CFAP97: variants seen among roughly 807,000 people sequenced by gnomAD.
CFAP97 encodes the protein cilia- and flagella-associated protein 97.
Under a neutral mutation model 43.1 loss-of-function variants are expected in CFAP97, and 36 were observed. The observed-to-expected ratio is 0.84, with a 90% CI of 0.64 to 1.10. The LOEUF (loss-of-function observed/expected upper bound fraction) is 1.10. Ranked by LOEUF, CFAP97 falls within the 50% of genes least tolerant of loss-of-function variation. CFAP97 has a pLI of 0.00. For synonymous variants in CFAP97, 228 were observed against 225.7 expected (o/e 1.01, Z -0.09); for missense variants, 657 against 620.3 (o/e 1.06, Z -0.63).
chr4:185,190,963 T>A lies in CFAP97; in HGVS notation c.234A>T (p.Glu78Asp), dbSNP rs1326488485. The A allele has an allele frequency of 6.2e-7, 1 of 1,613,870 alleles. No individual in the cohort carries two copies. Among genetic ancestry groups the A allele is most frequent in the East Asian group, 2.2e-5 (1 of 44,872 alleles). The change falls in exon 2 of 5, where the codon GAA becomes GAT. Residue 78 changes from glutamate to aspartate, a missense_variant. Glu to Asp is a conservative substitution (Grantham distance 45). Coordinates refer to ENST00000458385, the MANE Select transcript of CFAP97 (RefSeq NM_020827.3). ...GNERNVKFPP[E>D]HPVENDVTQT... ...GTGTAACATCATTCTCTACGGGGTG[T>A]TCTGGGGGAAATTTCACGTTTCTTT...
At chr4:185,207,135 C>T (rs193139209), upstream of CFAP97, among the ~76,000 whole-genome samples, 33 of 152,128 alleles carry the variant, frequency 2.2e-4, no homozygotes, top group Admixed American at 2.0e-3. Context: ...TGGGAAACAC[C>T]CAGAAATAAT....
chr4:185,197,504 CGCAACCTCAGACTCCCT>C (rs1196350235), intron 1 of CFAP97, among the ~76,000 whole-genome samples: 4 of 152,070 alleles, frequency 2.6e-5, no homozygotes, highest in African/African-American at 9.6e-5. Context: ...CTCGGCTCAC[CGCAACCTCAGACTCCCT>C]GCTTCAAGGG....
chr4:185,178,240 CTTTTTTTTTTTTT>C (rs562452947), intron 2 of CFAP97, among the ~76,000 whole-genome samples: 21 of 64,224 alleles, frequency 3.3e-4, no homozygotes, highest in African/African-American at 1.1e-3. Flanking sequence ...CGGTTTTTGT[CTTTTTTTTTTTTT>C]TTTTTTTTTT....
chr4:185,171,248 C>T (rs1735291790), intron 3 of CFAP97, among the ~76,000 whole-genome samples: 1 of 151,798 alleles, frequency 6.6e-6, no homozygotes, highest in South Asian at 2.1e-4. Flanking sequence ...GCTTGTAGTC[C>T]CAGCTACTCG....
At position 185,164,286 on chromosome 4, in the gene CFAP97, A is replaced by T; in HGVS notation, c.1321-107T>A. 6 of 1,098,524 alleles carry T rather than the reference A, an allele frequency of 5.5e-6. No homozygotes were observed. In the South Asian group the frequency reaches 8.4e-5, roughly 15 times the overall value. The allele number at this position is 1,098,524 out of a possible 1,614,324, so 68.0% of individuals were successfully genotyped here. On this transcript the variant is annotated intron_variant, in intron 3 of 4. Transcript: ENST00000458385. ...TTCACTTTCTTTCTTTTTTTTTTTAAGAGACAAGATCTTACTCTGTCACTC... is the reference window on the plus strand; with the variant it reads ...TTCACTTTCTTTCTTTTTTTTTTTATGAGACAAGATCTTACTCTGTCACTC...
intron 2 of CFAP97, among the ~76,000 whole-genome samples, chr4:185,184,060 G>T (rs1369604897): frequency 6.6e-6 from 1 of 152,124 alleles, no homozygotes; most frequent in East Asian, 1.9e-4. Flanking sequence ...GAAGAGTGAA[G>T]AATGCTTTAT....
At position 185,209,084 on chromosome 4, in the gene CFAP97, C is replaced by A. The variant is rs1223816511; in HGVS notation, c.-74+241G>T. On this transcript the variant is annotated intron_variant, in intron 1 of 2. Coordinates refer to the CFAP97 transcript ENST00000503223. This position sits in a 1 kb window ranked among gnomAD's most constrained non-coding sequence, Gnocchi z 5.2. ...GCACCCTGTTGCACCAGGCCGACTT[C>A]TTTGGACCTTTCCATAGCTAGGAAT... is the stretch of plus-strand genomic sequence containing the variant. 1.3e-5 allele frequency among the ~76,000 whole-genome samples: 2 copies of A among 152,232 alleles called. No individual in the cohort carries two copies. Among genetic ancestry groups the A allele is most frequent in the African/African-American group, 4.8e-5 (2 of 41,458 alleles).
chr4:185,182,878 T>A (rs1039143933), intron 2 of CFAP97, among the ~76,000 whole-genome samples: 5 of 152,108 alleles, frequency 3.3e-5, no homozygotes, highest in Non-Finnish European at 5.9e-5. Flanking sequence ...CACGGGCGGA[T>A]CATCTGAGGT....
At chr4:185,196,389 A>G (rs1736545136) in intron 1 of CFAP97, among the ~76,000 whole-genome samples, 1 of 151,576 alleles carries the variant, frequency 6.6e-6, no homozygotes, top group Admixed American at 6.6e-5. Flanking sequence ...CAGGAGAATC[A>G]CTTGAACCTG....
chr4:185,174,925 G>C lies in CFAP97; in HGVS notation c.1320+861C>G, dbSNP rs74408482. Among the ~76,000 whole-genome samples the C allele has an allele frequency of 1.2e-4, 19 of 152,294 alleles. No homozygotes were observed. In the East Asian group the frequency reaches 3.5e-3, roughly 28 times the overall value. ...AAAATATGCTATAATAGTTTTAAATGTGAAGATTTTCAACAGTTCCCATAT... is the reference window on the plus strand; with the variant it reads ...AAAATATGCTATAATAGTTTTAAATCTGAAGATTTTCAACAGTTCCCATAT... On this transcript the variant is annotated intron_variant, in intron 3 of 4. Coordinates refer to ENST00000458385, the MANE Select transcript of CFAP97 (RefSeq NM_020827.3).
intron 2 of CFAP97, 58 bp from the exon 3 acceptor site, chr4:185,176,109 C>CATTTTT: frequency 9.7e-7 from 1 of 1,029,472 alleles, no homozygotes; most frequent in Non-Finnish European, 1.3e-6. Context: ...GTGGTACATG[C>CATTTTT]TTTTTTTTTT....
chr4:185,194,249 G>A (rs575699376), intron 1 of CFAP97, among the ~76,000 whole-genome samples: 44 of 152,322 alleles, frequency 2.9e-4, no homozygotes, highest in African/African-American at 1.1e-3. Context: ...AACACTTTGG[G>A]AAGCCGAGGC....
intron 2 of CFAP97, among the ~76,000 whole-genome samples, chr4:185,184,872 C>T (rs1735948729): frequency 6.6e-6 from 1 of 152,086 alleles, no homozygotes; most frequent in African/African-American, 2.4e-5. Flanking sequence ...GAAACAATAC[C>T]TTCCTTTTGT....
upstream of CFAP97, among the ~76,000 whole-genome samples, chr4:185,205,200 A>G (rs1737133383): frequency 6.6e-6 from 1 of 152,388 alleles, no homozygotes; most frequent in East Asian, 1.9e-4. Flanking sequence ...TCACCCCTGT[A>G]ATCCCAGCAC....
At chr4:185,181,286 A>AATTAAATAAAAAGCAAATCAAG (rs1299379569) in intron 2 of CFAP97, among the ~76,000 whole-genome samples, 1 of 149,370 alleles carries the variant, frequency 6.7e-6, no homozygotes, top group Admixed American at 6.7e-5. Flanking sequence ...AAAAAAAATT[A>AATTAAATAAAAAGCAAATCAAG]ATTAAATAAA....
At chr4:185,204,911 G>A (rs1423375982), upstream of CFAP97, among the ~76,000 whole-genome samples, 2 of 152,374 alleles carry the variant, frequency 1.3e-5, no homozygotes, top group East Asian at 3.9e-4. Flanking sequence ...CTTAAGCACT[G>A]TAAGACAATA....
intron 1 of CFAP97, among the ~76,000 whole-genome samples, chr4:185,200,138 G>C (rs1736758397): frequency 6.6e-6 from 1 of 152,224 alleles, no homozygotes; most frequent in Non-Finnish European, 1.5e-5. Flanking sequence ...TTTGGAAGAA[G>C]CTGATTCTAA....
intron 3 of CFAP97, chr4:185,169,043 C>T (rs1489844996): frequency 6.6e-6 from 1 of 152,146 alleles, no homozygotes; most frequent in African/African-American, 2.4e-5. Flanking sequence ...ACAGAGTTAC[C>T]ATTTTTATTT....
rs570679386 is a variant in CFAP97 at position 185,165,369 on chromosome 4, A to G, written c.1321-1190T>C. Among the ~76,000 whole-genome samples the G allele has an allele frequency of 1.2e-4, 14 of 117,160 alleles. No homozygotes were observed. The South Asian group carries it at 3.5e-3, about 30-fold the overall frequency. 76.9% of individuals were successfully genotyped at this position (117,160 alleles called of 152,430 possible). A position where few individuals can be genotyped will look rare whatever the true frequency, so the allele number is the denominator to read the frequency against. On this transcript the variant is annotated intron_variant, in intron 3 of 4. Coordinates refer to ENST00000458385, the MANE Select transcript of CFAP97 (RefSeq NM_020827.3). ...GCAACACAGTATCCAATAACATGGT[A>G]ATTTTTTTTACAATTCAGTAACAGA...
Sources: allele counts gnomAD v4.1 joint callset (sites outside exome capture counted in the v4.1 genomes callset), GRCh38; gene constraint gnomAD v4.1.1; non-coding constraint Gnocchi (gnomAD v3.1); transcripts MANE v1.5; gene names NCBI Gene and HGNC (gene_info 2026-07-23, HGNC 2026-07-21).